The following RASEF variants were observed in gnomAD, a reference collection of about 807,000 sequenced individuals.
The protein encoded by RASEF is ras and EF-hand domain-containing protein.
RASEF carries 68 observed loss-of-function variants against 90.1 expected under a neutral mutation model. The observed-to-expected ratio is 0.75, with a 90% CI of 0.62 to 0.92. RASEF has a LOEUF of 0.92. RASEF is among the 40% of genes least tolerant of loss of function. RASEF has a pLI of 0.00. For synonymous variants in RASEF, 331 were observed against 345.2 expected (o/e 0.96, Z 0.46); for missense variants, 949 against 937.2 (o/e 1.01, Z -0.16).
the RASEF span, among the ~76,000 whole-genome samples, chr9:83,096,206 T>A: frequency 6.6e-6 from 1 of 152,160 alleles, no homozygotes; most frequent in Middle Eastern, 3.2e-3. Context: ...GTCTCCCTTT[T>A]CTAAGCAAGA....
intron 1 of RASEF, among the ~76,000 whole-genome samples, chr9:83,045,610 T>C (rs1310804116): frequency 1.3e-5 from 2 of 152,246 alleles, no homozygotes; most frequent in African/African-American, 2.4e-5. Flanking sequence ...ACCTTGAATC[T>C]GTGTTCACAG....
At chr9:83,002,519 TTTA>T (rs1386032102) in intron 9 of RASEF, among the ~76,000 whole-genome samples, 18 of 150,482 alleles carry the variant, frequency 1.2e-4, no homozygotes, top group African/African-American at 4.4e-4. Flanking sequence ...TTAATATTTA[TTTA>T]TTGTTAATAT....
chr9:83,176,345 C>G, the RASEF span, among the ~76,000 whole-genome samples: 3 of 152,124 alleles, frequency 2.0e-5, no homozygotes, highest in Non-Finnish European at 2.9e-5. Context: ...CATGAAATAA[C>G]TTTTTCACCT....
At chr9:83,058,888 C>T (rs1830150664) in intron 1 of RASEF, among the ~76,000 whole-genome samples, 1 of 152,118 alleles carries the variant, frequency 6.6e-6, no homozygotes, top group Admixed American at 6.5e-5. Flanking sequence ...GTAGAAACAT[C>T]GCAAACCATG....
At chr9:83,042,067 A>AT (rs1208603455) in intron 1 of RASEF, among the ~76,000 whole-genome samples, 1 of 152,110 alleles carries the variant, frequency 6.6e-6, no homozygotes, top group Non-Finnish European at 1.5e-5. Flanking sequence ...CTCAGTTTAT[A>AT]TTTTTTTATC....
At chr9:83,088,625 G>A in the RASEF span, among the ~76,000 whole-genome samples, 2 of 151,998 alleles carry the variant, frequency 1.3e-5, no homozygotes, top group African/African-American at 2.4e-5. Flanking sequence ...ATGTTTTTAA[G>A]TGCTGAATAT....
chr9:83,094,950 G>A, the RASEF span, among the ~76,000 whole-genome samples: 2 of 152,108 alleles, frequency 1.3e-5, no homozygotes, highest in Non-Finnish European at 2.9e-5. Flanking sequence ...AAGCATACGT[G>A]GGAATCTCCC....
chr9:83,063,783 G>A (rs985616816), upstream of RASEF, among the ~76,000 whole-genome samples: 7 of 152,148 alleles, frequency 4.6e-5, no homozygotes, highest in Non-Finnish European at 7.3e-5. Flanking sequence ...CATATCCAAA[G>A]GTAGGTTACC....
chr9:83,216,633 C>T, the RASEF span, among the ~76,000 whole-genome samples: 1 of 152,160 alleles, frequency 6.6e-6, no homozygotes, highest in Non-Finnish European at 1.5e-5. Context: ...TCTGCTAGGG[C>T]AGTGCGAAAG....
the RASEF span, among the ~76,000 whole-genome samples, chr9:83,120,895 G>A: frequency 2.0e-5 from 3 of 152,056 alleles, no homozygotes; most frequent in East Asian, 1.9e-4. Context: ...CATCTGATAC[G>A]CAGACCTACT....
chr9:83,204,241 C>G, the RASEF span, among the ~76,000 whole-genome samples: 39 of 152,114 alleles, frequency 2.6e-4, no homozygotes, highest in African/African-American at 8.4e-4. Flanking sequence ...CAGGGTTGGC[C>G]ACTAGATGGA....
At chr9:83,188,670 G>A in the RASEF span, among the ~76,000 whole-genome samples, 13 of 152,114 alleles carry the variant, frequency 8.5e-5, no homozygotes, top group Admixed American at 3.9e-4. Context: ...CACACATACC[G>A]GACAGAGACC....
chr9:83,212,091 CAGGGTCCAGTGAG>C, the RASEF span, among the ~76,000 whole-genome samples: 2 of 151,978 alleles, frequency 1.3e-5, no homozygotes, highest in Non-Finnish European at 2.9e-5. Context: ...TATATAAAAT[CAGGGTCCAGTGAG>C]AGATATGAAA....
intron 1 of RASEF, among the ~76,000 whole-genome samples, chr9:83,060,916 T>C (rs1005034925): frequency 6.6e-6 from 1 of 152,222 alleles, no homozygotes; most frequent in African/African-American, 2.4e-5. Context: ...ATAATATTAA[T>C]TCCTGGTTTG....
chr9:83,152,596 G>T, the RASEF span, among the ~76,000 whole-genome samples: 1 of 152,104 alleles, frequency 6.6e-6, no homozygotes, highest in Non-Finnish European at 1.5e-5. Context: ...TTGTATGGGG[G>T]TTTTCCAGGC....
At chr9:83,163,543 A>C in the RASEF span, among the ~76,000 whole-genome samples, 1 of 152,230 alleles carries the variant, frequency 6.6e-6, no homozygotes, top group East Asian at 1.9e-4. Context: ...AGACAACCAA[A>C]GAGAAATGCT....
chr9:83,071,050 T>G, the RASEF span, among the ~76,000 whole-genome samples: 2 of 152,218 alleles, frequency 1.3e-5, no homozygotes, highest in Non-Finnish European at 2.9e-5. Context: ...TACACAATTA[T>G]GTCATCTATG....
At chr9:83,104,062 G>A in the RASEF span, among the ~76,000 whole-genome samples, 47 of 152,182 alleles carry the variant, frequency 3.1e-4, no homozygotes, top group East Asian at 5.0e-3. Context: ...CATTTCTATC[G>A]GTGCCAAGCG....
At chr9:83,030,908 C>T (rs1829633826) in intron 1 of RASEF, among the ~76,000 whole-genome samples, 1 of 151,920 alleles carries the variant, frequency 6.6e-6, no homozygotes, top group African/African-American at 2.4e-5. Context: ...CTTCTTTCTC[C>T]CTTTTCCACC....
Sources: allele counts gnomAD v4.1 joint callset (sites outside exome capture counted in the v4.1 genomes callset), GRCh38; gene constraint gnomAD v4.1.1; transcripts MANE v1.5; gene names NCBI Gene and HGNC (gene_info 2026-07-23, HGNC 2026-07-21).